Variants in TEX29 observed in about 807,000 individuals in gnomAD.
The protein encoded by TEX29 is testis-expressed protein 29.
Under a neutral mutation model 18.2 loss-of-function variants are expected in TEX29, and 26 were observed. That is an observed-to-expected ratio of 1.43 (90% CI 1.04 to 1.98). The LOEUF is 1.98. Among genes scored for constraint, TEX29 ranks in the 30% most tolerant of loss-of-function variants. TEX29 has a pLI of 0.00. For synonymous variants in TEX29, 83 were observed against 78.5 expected, an observed-to-expected ratio of 1.06 and a Z score of -0.31; for missense variants, 177 against 194.2, an observed-to-expected ratio of 0.91 and a Z score of 0.53.
At chr13:111,320,990 G>GGC in intron 2 of TEX29, 42 bp downstream of exon 2, 1 of 404,332 alleles carries the variant, frequency 2.5e-6, no homozygotes, top group East Asian at 7.3e-5. Context: ...GGGTGGGGGA[G>GGC]CAGTTGGGGG....
At chr13:111,333,284 A>G (rs945252566) in intron 3 of TEX29, among the ~76,000 whole-genome samples, 5 of 152,188 alleles carry the variant, frequency 3.3e-5, no homozygotes, top group African/African-American at 1.2e-4. Context: ...AGTTTTTACC[A>G]TTATTTCTTC....
rs139725878 is a variant in TEX29, at chr13:111,342,850, A to C, written c.334A>C (p.Ser112Arg). The C allele has an allele frequency of 6.2e-5, 100 of 1,614,198 alleles. No homozygotes were observed. In the African/African-American group the frequency reaches 1.3e-3, roughly 20 times the overall value. Residue 112 changes from serine to arginine, a missense_variant, in exon 5 of 6, where the codon AGC (serine) becomes CGC (arginine). Transcript: ENST00000283547. ...SEKAELASSS[S>R]KLGLKPASPG... ...AAAGGCGGAGTTGGCCTCATCCAGC[A>C]GCAAGTTAGGGCTGAAGCCTGCGAG...
upstream of TEX29, chr13:111,316,407 C>T (rs564992253): frequency 2.3e-4 from 94 of 406,920 alleles, no homozygotes; most frequent in African/African-American, 1.9e-3. Context: ...GTCCCATGCG[C>T]AGCTCCTCAG....
chr13:111,328,352 A>G lies in TEX29; in HGVS notation c.169+59A>G, dbSNP rs558053319. Reference sequence around the variant, plus strand: ...GCCGAGGTAGCTGGTGACCATGCCGACCACTGCCCTGCCTGTCTCCCTTCC... The same window carrying G: ...GCCGAGGTAGCTGGTGACCATGCCGGCCACTGCCCTGCCTGTCTCCCTTCC... On this transcript the variant is annotated intron_variant, in intron 3 of 5. Transcript: ENST00000283547. 891 of 1,159,460 alleles carry G rather than the reference A, an allele frequency of 7.7e-4. 1 individual carries two copies. Among genetic ancestry groups the G allele is most frequent in the Non-Finnish European group, 8.4e-4 (647 of 770,338 alleles). 71.8% of individuals were successfully genotyped at this position (1,159,460 alleles called of 1,614,324 possible). A position where few individuals can be genotyped will look rare whatever the true frequency, so the allele number is the denominator to read the frequency against.
intron 3 of TEX29, among the ~76,000 whole-genome samples, chr13:111,335,756 T>C (rs142237393): frequency 1.3e-4 from 20 of 152,360 alleles, no homozygotes; most frequent in Admixed American, 3.3e-4. Context: ...TAATGATTAG[T>C]GATCCCAATT....
chr13:111,322,114 CAGG>C (rs2093665703), intron 2 of TEX29, among the ~76,000 whole-genome samples: 1 of 152,228 alleles, frequency 6.6e-6, no homozygotes, highest in African/African-American at 2.4e-5. Flanking sequence ...GCCCAGGTGC[CAGG>C]AATGTGTGGC....
intron 3 of TEX29, among the ~76,000 whole-genome samples, chr13:111,335,369 C>T (rs1442354047): frequency 6.6e-6 from 1 of 152,230 alleles, no homozygotes; most frequent in Admixed American, 6.5e-5. Flanking sequence ...TCCAGGCCTT[C>T]CAGTGTTGAA....
intron 4 of TEX29, among the ~76,000 whole-genome samples, chr13:111,342,316 G>A (rs1415067095): frequency 6.6e-6 from 1 of 152,186 alleles, no homozygotes; most frequent in Non-Finnish European, 1.5e-5. Flanking sequence ...AGCCTGCAGT[G>A]CAACACACAC....
At chr13:111,339,659 C>T (rs961579934) in intron 3 of TEX29, among the ~76,000 whole-genome samples, 2 of 152,126 alleles carry the variant, frequency 1.3e-5, no homozygotes, top group Admixed American at 1.3e-4. Context: ...TCACAGGGAG[C>T]CCTCGCCTGC....
At chr13:111,325,889 C>T (rs1330206233) in intron 2 of TEX29, among the ~76,000 whole-genome samples, 1 of 152,256 alleles carries the variant, frequency 6.6e-6, no homozygotes, top group African/African-American at 2.4e-5. Context: ...ATATTTCCTG[C>T]CCAGTCTGTT....
intron 4 of TEX29, among the ~76,000 whole-genome samples, chr13:111,342,106 G>A (rs1436397555): frequency 1.3e-5 from 2 of 152,202 alleles, no homozygotes; most frequent in African/African-American, 4.8e-5. Flanking sequence ...CAAGGAAGCA[G>A]GTGGCTATTC....
intron 4 of TEX29, 100 bp from the exon 5 acceptor site, chr13:111,342,656 C>A: frequency 8.7e-7 from 1 of 1,145,142 alleles, no homozygotes; most frequent in Admixed American, 2.5e-5. Flanking sequence ...TGATCAGGAA[C>A]CTGTGTTTTC....
intron 1 of TEX29, 34 bp downstream of exon 1, chr13:111,320,796 C>T (rs1375282615): frequency 9.2e-6 from 14 of 1,520,436 alleles, no homozygotes; most frequent in South Asian, 5.6e-5. Context: ...TGGTGTGAGC[C>T]GCCCGCTCCC....
At chr13:111,325,155 C>T (rs1468874610) in intron 2 of TEX29, among the ~76,000 whole-genome samples, 1 of 152,210 alleles carries the variant, frequency 6.6e-6, no homozygotes, top group East Asian at 1.9e-4. Context: ...TGGTTTAACC[C>T]CAGTCTCGTT....
chr13:111,325,812 C>A (rs566501784), intron 2 of TEX29, among the ~76,000 whole-genome samples: 2 of 152,156 alleles, frequency 1.3e-5, no homozygotes, highest in African/African-American at 2.4e-5. Flanking sequence ...AATGTATGAA[C>A]GTTTGTGTAG....
chr13:111,339,884 C>T lies in TEX29; in HGVS notation c.191C>T (p.Ala64Val), dbSNP rs900379735. 3.7e-6 allele frequency: 6 copies of T among 1,610,530 alleles called. No homozygotes were observed. Among genetic ancestry groups the T allele is most frequent in the Non-Finnish European group, 5.1e-6 (6 of 1,177,678 alleles). ...TCAGTTTACATCCACGTGTTCTCTG[C>T]CTTGATTGTGATCATCGCTGGGGCC... ...AVPIYIHVFS[A>V]LIVIIAGAFV... The change falls in exon 4 of 6, where the codon GCC becomes GTC. Residue 64 changes from alanine (A) to valine (V), a missense_variant. Ala to Val is a moderately conservative substitution (Grantham distance 64, BLOSUM62 0). Coordinates refer to ENST00000283547, the MANE Select transcript of TEX29 (RefSeq NM_152324.3).
At chr13:111,326,155 G>A (rs1386409540) in intron 2 of TEX29, among the ~76,000 whole-genome samples, 3 of 150,686 alleles carry the variant, frequency 2.0e-5, no homozygotes, top group Admixed American at 1.3e-4. Context: ...AAGAGCGTTC[G>A]GGCATCACGA....
At chr13:111,317,519 G>A (rs1334136911), upstream of TEX29, among the ~76,000 whole-genome samples, 7 of 152,152 alleles carry the variant, frequency 4.6e-5, no homozygotes, top group South Asian at 2.1e-4. Flanking sequence ...GTGCTCCTCC[G>A]GCCTTCGTGT....
chr13:111,337,057 G>C (rs2093690571), intron 3 of TEX29, among the ~76,000 whole-genome samples: 1 of 152,214 alleles, frequency 6.6e-6, no homozygotes, highest in Admixed American at 6.5e-5. Context: ...AAGAATTTCA[G>C]GGTTACCTTC....
Sources: allele counts gnomAD v4.1 joint callset (sites outside exome capture counted in the v4.1 genomes callset), GRCh38; gene constraint gnomAD v4.1.1; transcripts MANE v1.5; gene names NCBI Gene and HGNC (gene_info 2026-07-23, HGNC 2026-07-21).